Variants in DCC observed in about 807,000 individuals in gnomAD.
DCC encodes the protein DCC netrin 1 receptor.
Under a neutral mutation model 172.5 loss-of-function variants are expected in DCC, and 58 were observed. The observed-to-expected ratio is 0.34, with a 90% CI of 0.27 to 0.42. The LOEUF is 0.42. Ranked by LOEUF, DCC falls within the 10% of genes least tolerant of loss-of-function variation. DCC has a pLI of 1.00. For synonymous variants in DCC, 709 were observed against 644.5 expected, an observed-to-expected ratio of 1.10 and a Z score of -1.52; for missense variants, 1,740 against 1,791.0, an observed-to-expected ratio of 0.97 and a Z score of 0.51.
At chr18:52,968,658 T>C (rs56071382) in intron 5 of DCC, among the ~76,000 whole-genome samples, 12,281 of 152,234 alleles carry the variant, frequency 0.081, 947 homozygotes, top group East Asian at 0.21. Context: ...GTAAAATTAT[T>C]CTGTAAATAA....
chr18:53,314,325 T>TA (rs899985647), intron 13 of DCC, among the ~76,000 whole-genome samples: 5 of 152,320 alleles, frequency 3.3e-5, no homozygotes, highest in African/African-American at 9.6e-5. Flanking sequence ...AAAGGTTTGA[T>TA]AAAAAAGTTA....
At chr18:52,942,273 G>C (rs1368012004) in intron 5 of DCC, among the ~76,000 whole-genome samples, 2 of 151,966 alleles carry the variant, frequency 1.3e-5, no homozygotes, top group East Asian at 3.9e-4. Context: ...TTTGTTTTCT[G>C]TCTTAATCTG....
chr18:52,881,108 C>T (rs1943115), intron 2 of DCC, among the ~76,000 whole-genome samples: 40,147 of 151,846 alleles, frequency 0.26, 5,505 homozygotes, highest in Admixed American at 0.33. Flanking sequence ...TTCTGATGAT[C>T]GATGATGTTG....
intron 15 of DCC, among the ~76,000 whole-genome samples, chr18:53,360,027 G>T (rs2057928140): frequency 6.6e-6 from 1 of 152,080 alleles, no homozygotes; most frequent in African/African-American, 2.4e-5. Flanking sequence ...AGAAGAGCAA[G>T]ATTTGGGCCA....
chr18:52,978,717 T>C (rs1425772705), intron 5 of DCC, among the ~76,000 whole-genome samples: 7 of 152,180 alleles, frequency 4.6e-5, no homozygotes, highest in African/African-American at 1.4e-4. Flanking sequence ...GAACGAGGAC[T>C]ATATCCACCC....
intron 2 of DCC, among the ~76,000 whole-genome samples, chr18:52,876,256 G>A (rs935715878): frequency 2.0e-5 from 3 of 152,138 alleles, no homozygotes; most frequent in Admixed American, 6.5e-5. Context: ...AGAATCTATT[G>A]TTTACTGATC....
intron 1 of DCC, among the ~76,000 whole-genome samples, chr18:52,618,344 G>C (rs1224885296): frequency 6.6e-6 from 1 of 152,068 alleles, no homozygotes; most frequent in Non-Finnish European, 1.5e-5. Flanking sequence ...TAATTATGCA[G>C]AATAAACTAT....
At chr18:53,068,747 C>T (rs1401832351) in intron 7 of DCC, among the ~76,000 whole-genome samples, 1 of 149,664 alleles carries the variant, frequency 6.7e-6, no homozygotes, top group African/African-American at 2.5e-5. Flanking sequence ...CCAAGTTATA[C>T]AGACTCCAAG....
intron 14 of DCC, among the ~76,000 whole-genome samples, chr18:53,322,606 T>C (rs992433110): frequency 6.6e-6 from 1 of 151,990 alleles, no homozygotes; most frequent in Non-Finnish European, 1.5e-5. Context: ...GATATTATCA[T>C]TACCTTTTCT....
chr18:52,776,460 TGG>T (rs2037434884), intron 2 of DCC, among the ~76,000 whole-genome samples: 1 of 152,122 alleles, frequency 6.6e-6, no homozygotes, highest in Admixed American at 6.5e-5. Flanking sequence ...TTAAAAAAGC[TGG>T]AAGAAAAAGT....
At chr18:52,595,060 A>G (rs192461181) in intron 1 of DCC, among the ~76,000 whole-genome samples, 1 of 152,298 alleles carries the variant, frequency 6.6e-6, no homozygotes, top group Non-Finnish European at 1.5e-5. Context: ...GACTTTAGCT[A>G]TGGAATGTAT....
intron 1 of DCC, among the ~76,000 whole-genome samples, chr18:52,561,064 T>C (rs1442643385): frequency 6.6e-6 from 1 of 152,150 alleles, no homozygotes; most frequent in Non-Finnish European, 1.5e-5. Flanking sequence ...AATACTGATA[T>C]ATAGGAAAAG....
At chr18:53,369,464 A>G (rs2058038775) in intron 15 of DCC, among the ~76,000 whole-genome samples, 8 of 151,772 alleles carry the variant, frequency 5.3e-5, no homozygotes, top group Admixed American at 2.6e-4. Context: ...CCAGTTCAGA[A>G]TCCTTCTATT....
chr18:52,913,365 A>G (rs539864906), intron 3 of DCC, among the ~76,000 whole-genome samples: 14 of 152,176 alleles, frequency 9.2e-5, no homozygotes, highest in Middle Eastern at 3.4e-3. Context: ...TTATTTCCCA[A>G]TGCTATTTGG....
At chr18:52,385,376 A>G (rs1985754124) in intron 1 of DCC, among the ~76,000 whole-genome samples, 1 of 152,010 alleles carries the variant, frequency 6.6e-6, no homozygotes, top group African/African-American at 2.4e-5. Flanking sequence ...CCAGGTTTTA[A>G]GCAATTCTCC....
intron 12 of DCC, among the ~76,000 whole-genome samples, chr18:53,271,782 T>C (rs1285576756): frequency 6.6e-6 from 1 of 152,144 alleles, no homozygotes; most frequent in Non-Finnish European, 1.5e-5. Context: ...GTAAGGGGTT[T>C]ACACAAAAGG....
intron 12 of DCC, among the ~76,000 whole-genome samples, chr18:53,278,400 A>G (rs1030587439): frequency 6.6e-6 from 1 of 152,108 alleles, no homozygotes; most frequent in Admixed American, 6.6e-5. Context: ...GGAAATGTGA[A>G]CTTGGCCCAC....
At chr18:53,022,219 G>A (rs2041890891) in intron 5 of DCC, among the ~76,000 whole-genome samples, 1 of 151,852 alleles carries the variant, frequency 6.6e-6, no homozygotes, top group Non-Finnish European at 1.5e-5. Flanking sequence ...TTTTAAAAAG[G>A]GTTAACCTCA....
At chr18:53,466,296 T>G (rs2045620313) in intron 24 of DCC, among the ~76,000 whole-genome samples, 2 of 152,162 alleles carry the variant, frequency 1.3e-5, no homozygotes, top group African/African-American at 4.8e-5. Context: ...ACCATTAGGG[T>G]GCACTTCTTT....
Sources: allele counts gnomAD v4.1 joint callset (sites outside exome capture counted in the v4.1 genomes callset), GRCh38; gene constraint gnomAD v4.1.1; transcripts MANE v1.5; gene names NCBI Gene and HGNC (gene_info 2026-07-23, HGNC 2026-07-21).